Variants in SEPTIN9 observed in about 807,000 individuals in gnomAD.
SEPTIN9 encodes septin-9.
A neutral mutation model predicts 56.6 loss-of-function variants in SEPTIN9; 13 were observed. That is an observed-to-expected ratio of 0.23 (90% confidence interval 0.15 to 0.37). SEPTIN9 has a LOEUF of 0.37. SEPTIN9 is among the 10% of genes least tolerant of loss of function. SEPTIN9 has a pLI of 1.00. For synonymous variants in SEPTIN9, 332 were observed against 334.1 expected (o/e 0.99, Z 0.07); for missense variants, 650 against 823.1 (o/e 0.79, Z 2.57).
At chr17:77,383,173 C>T in intron 2 of SEPTIN9, among the ~76,000 whole-genome samples, 1 of 38,906 alleles carries the variant, frequency 2.6e-5, no homozygotes. Context: ...TCTTTCTCTC[C>T]CTCCCTCCTT....
At chr17:77,320,392 T>C in intron 2 of SEPTIN9, 1 of 1,534,832 alleles carries the variant, frequency 6.5e-7, no homozygotes, top group Middle Eastern at 1.7e-4. Context: ...CCCACTGCCC[T>C]GGACTCGGGG....
Position 77,379,192 on chromosome 17 carries a change from G to A in SEPTIN9, c.77-22867G>A, listed in dbSNP as rs539007864. ...AGGCTGCGTGCTGCTTGCCCAGCCC[G>A]TGGACCCATCCACTGAGCACCCCCA... On this transcript the variant is annotated intron_variant, in intron 2 of 11. Coordinates refer to ENST00000427177, the MANE Select transcript of SEPTIN9 (RefSeq NM_001113491.2). Among the ~76,000 whole-genome samples the A allele has an allele frequency of 2.6e-5, 4 of 152,186 alleles. 1 individual carries two copies. The South Asian group carries it at 8.3e-4, about 32-fold the overall frequency.
intron 2 of SEPTIN9, among the ~76,000 whole-genome samples, chr17:77,364,073 A>G (rs1021425069): frequency 3.1e-4 from 47 of 152,330 alleles, no homozygotes; most frequent in African/African-American, 1.1e-3. Context: ...AGGAGGGACA[A>G]ATGGTTCATT....
In SEPTIN9 at chr17:77,498,882, G is replaced by A; in HGVS notation, c.*224G>A. The A allele has an allele frequency of 1.7e-6, 1 of 602,210 alleles. No individual in the cohort carries two copies. The highest frequency in any genetic ancestry group is 3.1e-6 in the Non-Finnish European group (1 of 320,466). The allele number at this position is 602,210 out of a possible 1,614,324, so 37.3% of individuals were successfully genotyped here. A position where few individuals can be genotyped will look rare whatever the true frequency, so the allele number is the denominator to read the frequency against. On this transcript the variant is annotated 3_prime_UTR_variant, in exon 12 of 12. Transcript: ENST00000427177. Reference sequence around the variant, plus strand: ...GTGGGGAGGCTGCACTGGAGCCACAGGCAGGGGTGAGAGCACCCACTGAAT... The same window carrying A: ...GTGGGGAGGCTGCACTGGAGCCACAAGCAGGGGTGAGAGCACCCACTGAAT...
chr17:77,309,740 T>TA (rs112662009), intron 2 of SEPTIN9, among the ~76,000 whole-genome samples: 13,815 of 151,708 alleles, frequency 0.091, 660 homozygotes, highest in Non-Finnish European at 0.11. Context: ...TTCTTTCCTT[T>TA]TAAAAAAAAA....
intron 3 of SEPTIN9, among the ~76,000 whole-genome samples, chr17:77,479,603 T>C (rs997172178): frequency 4.4e-4 from 67 of 152,140 alleles, no homozygotes; most frequent in African/African-American, 1.4e-3. Context: ...GTGGGCAGGA[T>C]GTTTGGTTTG....
At chr17:77,441,489 A>G (rs1262088202) in intron 3 of SEPTIN9, among the ~76,000 whole-genome samples, 1 of 152,218 alleles carries the variant, frequency 6.6e-6, no homozygotes, top group Non-Finnish European at 1.5e-5. Flanking sequence ...GCTAGCTCAT[A>G]TGATCTTCCC....
intron 3 of SEPTIN9, chr17:77,447,293 G>T (rs1175673813): frequency 6.2e-6 from 1 of 161,184 alleles, no homozygotes; most frequent in Non-Finnish European, 1.5e-5. Flanking sequence ...TCTTTCCTTG[G>T]GGTCACTGCC....
At chr17:77,483,622 G>A (rs1044825934) in intron 4 of SEPTIN9, 2 of 152,292 alleles carry the variant, frequency 1.3e-5, no homozygotes, top group East Asian at 3.8e-4. Flanking sequence ...GGGTGAGAAG[G>A]ACCTGGGAAC....
intron 2 of SEPTIN9, among the ~76,000 whole-genome samples, chr17:77,401,251 C>T (rs372948909): frequency 1.3e-5 from 2 of 152,092 alleles, no homozygotes; most frequent in Non-Finnish European, 2.9e-5. Context: ...GGCGCCTCGC[C>T]GGCACTGAAA....
At chr17:77,454,746 C>T (rs1440304854) in intron 3 of SEPTIN9, among the ~76,000 whole-genome samples, 1 of 152,240 alleles carries the variant, frequency 6.6e-6, no homozygotes, top group Non-Finnish European at 1.5e-5. Flanking sequence ...ACACTGCCCA[C>T]CCCACCGGGC....
intron 3 of SEPTIN9, among the ~76,000 whole-genome samples, chr17:77,404,326 C>A (rs540856222): frequency 2.0e-5 from 3 of 152,264 alleles, no homozygotes; most frequent in African/African-American, 7.2e-5. Flanking sequence ...CTTACTGCAA[C>A]CTCTGCCCCC....
chr17:77,376,229 G>A (rs1431978090), intron 2 of SEPTIN9: 4 of 986,026 alleles, frequency 4.1e-6, no homozygotes, highest in Non-Finnish European at 4.8e-6. Context: ...GGAGGGGCCT[G>A]CCTGTGAAGA....
intron 2 of SEPTIN9, among the ~76,000 whole-genome samples, chr17:77,340,225 C>T (rs1424899626): frequency 2.6e-5 from 4 of 152,046 alleles, no homozygotes; most frequent in Admixed American, 1.3e-4. Flanking sequence ...ACTGCAACCT[C>T]CGCCTCCTGG....
At chr17:77,448,995 G>A (rs1218773130) in intron 3 of SEPTIN9, among the ~76,000 whole-genome samples, 1 of 152,094 alleles carries the variant, frequency 6.6e-6, no homozygotes, top group African/African-American at 2.4e-5. Context: ...TGTTGGCCAG[G>A]CTGGTTTTGA....
intron 3 of SEPTIN9, among the ~76,000 whole-genome samples, chr17:77,420,091 C>T (rs1384786774): frequency 6.6e-6 from 1 of 152,156 alleles, no homozygotes; most frequent in African/African-American, 2.4e-5. Flanking sequence ...CACAGCCCTG[C>T]CTTATTCCTG....
At chr17:77,479,111 A>G (rs1368129921) in intron 3 of SEPTIN9, among the ~76,000 whole-genome samples, 1 of 152,248 alleles carries the variant, frequency 6.6e-6, no homozygotes, top group Non-Finnish European at 1.5e-5. Context: ...ATGCGAATGT[A>G]CTTAACACCA....
intron 2 of SEPTIN9, among the ~76,000 whole-genome samples, chr17:77,372,270 T>C (rs949352485): frequency 3.3e-5 from 5 of 152,206 alleles, no homozygotes; most frequent in South Asian, 2.1e-4. Context: ...AAGAAGCGCC[T>C]CTCTCTCTTG....
intron 4 of SEPTIN9, among the ~76,000 whole-genome samples, chr17:77,485,305 TTAG>T (rs1275238688): frequency 3.4e-4 from 39 of 115,968 alleles, no homozygotes; most frequent in African/African-American, 1.0e-3. Context: ...GGTGATGATG[TTAG>T]TAGTGGTGGT....
Sources: gnomAD v4.1 joint callset for allele counts (sites outside exome capture counted in the v4.1 genomes callset) on GRCh38, gnomAD v4.1.1 for gene constraint, MANE v1.5 for transcripts, NCBI Gene and HGNC (gene_info 2026-07-23, HGNC 2026-07-21) for gene names.